PRH1: variants seen among roughly 807,000 people sequenced by gnomAD.
PRH1 encodes proline rich protein HaeIII subfamily 1, also known as salivary acidic proline-rich phosphoprotein 1/2.
In PRH1, 7 loss-of-function variants were observed where a neutral mutation model predicts 7.9. The observed-to-expected ratio is 0.89, with a 90% CI of 0.50 to 1.67. The LOEUF (loss-of-function observed/expected upper bound fraction) is 1.67, where lower values mean the gene tolerates loss of function less well. Ranked by LOEUF, PRH1 falls within the 40% of genes most tolerant of loss-of-function variation. The probability of loss-of-function intolerance (pLI) is 0.00; values close to 1 mark genes in which losing one functional copy is unlikely to be tolerated. For synonymous variants in PRH1, 45 were observed against 80.8 expected (o/e 0.56, Z 2.38); for missense variants, 109 against 223.6 (o/e 0.49, Z 3.27).
intron 1 of PRH1, among the ~76,000 whole-genome samples, chr12:11,145,669 AAC>A (rs1219723638): frequency 6.6e-6 from 1 of 152,352 alleles, no homozygotes; most frequent in East Asian, 1.9e-4. Context: ...TTTACATACT[AAC>A]AGAGTATACA....
intron 2 of PRH1, among the ~76,000 whole-genome samples, chr12:10,969,250 T>C (rs892453450): frequency 6.6e-6 from 1 of 152,110 alleles, no homozygotes; most frequent in Admixed American, 6.5e-5. Flanking sequence ...CGTCCCACCA[T>C]AGTCTACAAC....
rs571713844 is a variant in PRH1 at position 11,015,639 on chromosome 12, T to A, written c.-126+31381A>T. On this transcript the variant is annotated intron_variant, in intron 1 of 3. Transcript: ENST00000539853. ...CCATGAGATGAAGTGGGAGATTTTT[T>A]AAAATTTTCTTTTTGTGTGTGTGTT... Among the ~76,000 whole-genome samples, 7 of 152,270 alleles carry A rather than the reference T, an allele frequency of 4.6e-5. No homozygotes were observed. In the East Asian group the frequency reaches 9.7e-4, roughly 21 times the overall value.
intron 1 of PRH1, among the ~76,000 whole-genome samples, chr12:11,094,752 G>A (rs1228794318): frequency 4.4e-5 from 5 of 114,298 alleles, no homozygotes; most frequent in African/African-American, 8.8e-5. Flanking sequence ...GTTATAATGC[G>A]CACTTAGAAA....
At chr12:11,151,466 A>C (rs1422830780) in intron 1 of PRH1, among the ~76,000 whole-genome samples, 1 of 152,218 alleles carries the variant, frequency 6.6e-6, no homozygotes, top group East Asian at 1.9e-4. Context: ...CTTCCCTTGG[A>C]TAGAGACAGA....
intron 1 of PRH1, among the ~76,000 whole-genome samples, chr12:10,988,716 A>G (rs188241024): frequency 7.2e-5 from 11 of 152,208 alleles, no homozygotes; most frequent in Admixed American, 7.2e-4. Flanking sequence ...CAAATAGCCT[A>G]GGTCCACCTC....
chr12:11,087,255 A>C (rs796226046), intron 1 of PRH1, among the ~76,000 whole-genome samples: 3,030 of 74,800 alleles, frequency 0.041, 54 homozygotes, highest in Middle Eastern at 0.062. Context: ...GCATGCACCA[A>C]CATGCCAGCT....
At chr12:10,885,208 T>C (rs1378597643), upstream of PRH1, among the ~76,000 whole-genome samples, 2 of 152,218 alleles carry the variant, frequency 1.3e-5, no homozygotes, top group East Asian at 3.8e-4. Flanking sequence ...AAGCCTCAAT[T>C]GCCTTGATTG....
intron 2 of PRH1, among the ~76,000 whole-genome samples, chr12:10,927,438 G>C (rs1194860994): frequency 6.6e-6 from 1 of 152,188 alleles, no homozygotes; most frequent in Non-Finnish European, 1.5e-5. Context: ...CTGTGCCTAA[G>C]ATACAACCCA....
chr12:11,161,864 A>T (rs73051387), intron 1 of PRH1, among the ~76,000 whole-genome samples: 17,701 of 152,284 alleles, frequency 0.12, 1,169 homozygotes, highest in Non-Finnish European at 0.14. Flanking sequence ...TTTCTTATTT[A>T]TACAGACATG....
intron 1 of PRH1, among the ~76,000 whole-genome samples, chr12:11,143,516 T>G (rs1184843517): frequency 6.6e-6 from 1 of 152,112 alleles, no homozygotes; most frequent in Admixed American, 6.5e-5. Flanking sequence ...TTACTACCAA[T>G]AATAACATTG....
At chr12:10,983,042 G>GA (rs1236695493) in intron 1 of PRH1, among the ~76,000 whole-genome samples, 1 of 152,176 alleles carries the variant, frequency 6.6e-6, no homozygotes, top group Non-Finnish European at 1.5e-5. Flanking sequence ...AGCAGATATA[G>GA]AGTCTGGCCC....
intron 1 of PRH1, among the ~76,000 whole-genome samples, chr12:11,064,125 C>T (rs756370332): frequency 3.9e-4 from 60 of 152,180 alleles, no homozygotes; most frequent in Non-Finnish European, 6.8e-4. Flanking sequence ...AGTCCCTAAA[C>T]ATTTCTTCAT....
At chr12:10,976,959 G>C (rs868200580) in intron 1 of PRH1, among the ~76,000 whole-genome samples, 2 of 152,102 alleles carry the variant, frequency 1.3e-5, no homozygotes, top group South Asian at 4.1e-4. Context: ...GGACCAGACA[G>C]ATTCACAGCT....
chr12:11,080,930 A>G (rs796147168), intron 1 of PRH1, among the ~76,000 whole-genome samples: 1 of 102,462 alleles, frequency 9.8e-6, no homozygotes, highest in Non-Finnish European at 2.3e-5. Flanking sequence ...TTCAACCTCT[A>G]GCTACTTTTC....
intron 1 of PRH1, chr12:11,022,519 AC>A (rs1240930100): frequency 6.2e-7 from 1 of 1,613,616 alleles, no homozygotes; most frequent in East Asian, 2.2e-5. Context: ...ATTTCCAAGA[AC>A]AAATGCAAAC....
intron 1 of PRH1, among the ~76,000 whole-genome samples, chr12:11,053,387 T>C (rs549519163): frequency 1.3e-3 from 97 of 73,486 alleles, no homozygotes; most frequent in Non-Finnish European, 3.1e-3. Flanking sequence ...CATGAAATGG[T>C]TTATTTATTT....
chr12:11,086,059 G>C (rs796179230), intron 1 of PRH1, among the ~76,000 whole-genome samples: 1 of 120,992 alleles, frequency 8.3e-6, no homozygotes, highest in Non-Finnish European at 1.8e-5. Flanking sequence ...TTAACTAATA[G>C]TTTTGTATAA....
chr12:10,907,434 C>T (rs2135820597), intron 2 of PRH1, among the ~76,000 whole-genome samples: 1 of 152,144 alleles, frequency 6.6e-6, no homozygotes, highest in Admixed American at 6.5e-5. Context: ...CTGATTAATA[C>T]AACAAAACAG....
chr12:11,168,014 A>C (rs562093923), intron 1 of PRH1, among the ~76,000 whole-genome samples: 2 of 152,030 alleles, frequency 1.3e-5, no homozygotes, highest in African/African-American at 2.4e-5. Flanking sequence ...TGAAGAATAC[A>C]ATAGATCTTA....
Sources: allele counts gnomAD v4.1 joint callset (sites outside exome capture counted in the v4.1 genomes callset), GRCh38; gene constraint gnomAD v4.1.1; transcripts MANE v1.5; gene names NCBI Gene and HGNC (gene_info 2026-07-23, HGNC 2026-07-21).